GPLD1: variants seen among roughly 807,000 people sequenced by gnomAD.
GPLD1 encodes the protein glycosylphosphatidylinositol specific phospholipase D1, also known as phosphatidylinositol-glycan-specific phospholipase D.
Under a neutral mutation model 112.6 loss-of-function variants are expected in GPLD1, and 84 were observed. The observed-to-expected ratio is 0.75, with a 90% CI of 0.63 to 0.89. GPLD1 has a LOEUF of 0.89. Ranked by LOEUF, GPLD1 falls within the 40% of genes least tolerant of loss-of-function variation. The probability of loss-of-function intolerance (pLI) is 0.00; values close to 1 mark genes in which losing one functional copy is unlikely to be tolerated. For synonymous variants in GPLD1, 386 were observed against 403.8 expected (o/e 0.96, Z 0.53); for missense variants, 1,044 against 1,051.5 (o/e 0.99, Z 0.10).
In GPLD1 at chr6:24,440,276, G is replaced by A. The variant is rs535048513; in HGVS notation, c.2021-2987C>T. On this transcript the variant is annotated intron_variant, in intron 20 of 24. Coordinates refer to ENST00000230036, the MANE Select transcript of GPLD1 (RefSeq NM_001503.4). ...TCAAGACCAGCCTGGGAAATGCAGT[G>A]AGACCCCATCACTACAAAAAGTAGG... is the stretch of plus-strand genomic sequence containing the variant. Among the ~76,000 whole-genome samples the A allele has an allele frequency of 9.2e-5, 14 of 152,164 alleles. No individual in the cohort carries two copies. In the South Asian group the frequency reaches 2.9e-3, roughly 32 times the overall value.
chr6:24,460,964 A>G lies in GPLD1; in HGVS notation c.888-565T>C, dbSNP rs543687292. Among the ~76,000 whole-genome samples the G allele has an allele frequency of 2.0e-5, 3 of 152,248 alleles. No individual in the cohort carries two copies. In the South Asian group the frequency reaches 6.2e-4, roughly 32 times the overall value. On this transcript the variant is annotated intron_variant, in intron 11 of 24. Coordinates refer to ENST00000230036, the MANE Select transcript of GPLD1 (RefSeq NM_001503.4). The stretch of plus-strand genomic sequence containing the variant: ...CACTATGTTGGCCAGGCTGGGCTCG[A>G]ACTCCTGAGCTCAGGTGATCCACCT...
intron 14 of GPLD1, among the ~76,000 whole-genome samples, chr6:24,450,455 C>A (rs533670950): frequency 6.6e-6 from 1 of 152,034 alleles, no homozygotes; most frequent in South Asian, 2.1e-4. Flanking sequence ...AAGCCAAGAT[C>A]GTGCCACTGC....
At position 24,432,366 on chromosome 6, in the gene GPLD1, G is replaced by A. The variant is rs188598330; in HGVS notation, c.2436+821C>T. On this transcript the variant is annotated intron_variant, in intron 24 of 24. Coordinates refer to ENST00000230036, the MANE Select transcript of GPLD1 (RefSeq NM_001503.4). ...TAATCCCAGCACTTTGGAAGGCAGA[G>A]GCAGGCAGATCATTTGAGGCCAGGA... is the stretch of plus-strand genomic sequence containing the variant. Among the ~76,000 whole-genome samples the A allele has an allele frequency of 1.4e-4, 22 of 152,198 alleles. No homozygotes were observed. In the East Asian group the frequency reaches 3.5e-3, roughly 24 times the overall value.
chr6:24,435,958 A>G (rs1459383422), intron 22 of GPLD1: 1 of 149,510 alleles, frequency 6.7e-6, no homozygotes, highest in Non-Finnish European at 1.5e-5. Flanking sequence ...GGACGTTTTA[A>G]TGAAACTCCA....
rs755535946 is a variant in GPLD1 at position 24,437,134 on chromosome 6, C to T, written c.2176G>A (p.Asp726Asn). ...TTACCTAAGCCATCATCATCCAGGT[C>T]ACTCAAGTGCAGAACGCCACCAAAT... ...SRFGGVLHLS[D>N]LDDDGLDEII... is the part of the protein sequence containing the mutation. The change falls in exon 21 of 25, where the codon GAC becomes AAC. Residue 726 changes from aspartate (D) to asparagine (N), a missense_variant. Coordinates refer to ENST00000230036, the MANE Select transcript of GPLD1 (RefSeq NM_001503.4). 8.7e-6 allele frequency: 14 copies of T among 1,614,040 alleles called. No individual in the cohort carries two copies. The Middle Eastern group carries it at 8.2e-4, about 95-fold the overall frequency.
intron 7 of GPLD1, among the ~76,000 whole-genome samples, chr6:24,472,342 A>G (rs1380340078): frequency 6.6e-6 from 1 of 152,246 alleles, no homozygotes; most frequent in Non-Finnish European, 1.5e-5. Context: ...TAATGGGAGC[A>G]TAAGTTAAGA....
intron 3 of GPLD1, among the ~76,000 whole-genome samples, chr6:24,479,445 C>T (rs113421810): frequency 6.6e-6 from 1 of 152,152 alleles, no homozygotes; most frequent in African/African-American, 2.4e-5. Context: ...AAATACTGTG[C>T]ATTAATGCCA....
At chr6:24,474,829 A>C (rs1015369444) in intron 5 of GPLD1, among the ~76,000 whole-genome samples, 4 of 152,008 alleles carry the variant, frequency 2.6e-5, no homozygotes, top group Admixed American at 2.6e-4. Flanking sequence ...AATCCCAGCT[A>C]CTCAGGAGGC....
intron 8 of GPLD1, 32 bp downstream of exon 8, chr6:24,467,135 C>G: frequency 7.8e-7 from 1 of 1,287,218 alleles, no homozygotes; most frequent in African/African-American, 1.5e-5. Context: ...ACAACAAAAT[C>G]AGCTGCAAAT....
chr6:24,466,919 A>G lies in GPLD1; in HGVS notation c.674T>C (p.Val225Ala). 1 of 1,611,472 alleles carries G rather than the reference A, an allele frequency of 6.2e-7. No individual in the cohort carries two copies. The highest frequency in any genetic ancestry group is 8.5e-7 in the Non-Finnish European group (1 of 1,177,562). ...GAAGAATGACGCCTTTACCTTGGAAACAGCTAGCATCTCACCATACCTGCA... is the reference window on the plus strand; with the variant it reads ...GAAGAATGACGCCTTTACCTTGGAAGCAGCTAGCATCTCACCATACCTGCA... ...FLEMYGEMLA[V>A]SKLYPTYSTK... is the part of the protein sequence containing the mutation. Residue 225 changes from valine (V) to alanine (A), a missense_variant, in exon 9 of 25, where the codon GTT (valine) becomes GCT (alanine). By Grantham distance (64) the Val-to-Ala change is moderately conservative. Coordinates refer to ENST00000230036, the MANE Select transcript of GPLD1 (RefSeq NM_001503.4).
rs779602416 is a variant in GPLD1, at chr6:24,475,134, C to G, written c.428G>C (p.Arg143Thr). The change falls in exon 5 of 25, where the codon AGG becomes ACG. Residue 143 changes from arginine to threonine, a missense_variant. Coordinates refer to ENST00000230036, the MANE Select transcript of GPLD1 (RefSeq NM_001503.4). The stretch of plus-strand genomic sequence containing the variant: ...GGATGTACTCACAGCTCCCATGGTC[C>G]TAAGGAATCCTTGTTCAAGGCCCAG... ...HSLGLEQGFL[R>T]TMGAIDFHGS... is the part of the protein sequence containing the mutation. 7 of 1,581,062 alleles carry G rather than the reference C, an allele frequency of 4.4e-6. No individual in the cohort carries two copies. The highest frequency in any genetic ancestry group is 6.1e-6 in the Non-Finnish European group (7 of 1,149,916).
chr6:24,458,877 CA>C (rs71757341), intron 12 of GPLD1, among the ~76,000 whole-genome samples: 258 of 143,010 alleles, frequency 1.8e-3, no homozygotes, highest in African/African-American at 4.6e-3. Context: ...GACTCTGTCT[CA>C]AAAAAAAAAA....
intron 10 of GPLD1, among the ~76,000 whole-genome samples, chr6:24,463,784 C>T (rs945174006): frequency 6.6e-6 from 1 of 152,084 alleles, no homozygotes; most frequent in Non-Finnish European, 1.5e-5. Context: ...TTATGTTTTC[C>T]TTTCTGTTAT....
intron 20 of GPLD1, among the ~76,000 whole-genome samples, chr6:24,441,655 T>C: frequency 6.6e-6 from 1 of 152,242 alleles, no homozygotes; most frequent in East Asian, 1.9e-4. Context: ...CTTGAAAAGC[T>C]GTACAGTGCC....
chr6:24,467,871 C>G (rs1763668723), intron 7 of GPLD1, among the ~76,000 whole-genome samples: 1 of 151,718 alleles, frequency 6.6e-6, no homozygotes, highest in Non-Finnish European at 1.5e-5. Flanking sequence ...CAATCTATTT[C>G]TGTGTGGTTT....
intron 20 of GPLD1, among the ~76,000 whole-genome samples, chr6:24,444,487 G>T: frequency 6.6e-6 from 1 of 151,070 alleles, no homozygotes; most frequent in African/African-American, 2.4e-5. Context: ...GGGAGGAAAT[G>T]GTTCTTATTT....
intron 22 of GPLD1, among the ~76,000 whole-genome samples, chr6:24,435,527 T>C (rs967649607): frequency 2.6e-5 from 4 of 152,084 alleles, no homozygotes; most frequent in Non-Finnish European, 5.9e-5. Context: ...CATAATAAAC[T>C]TTCACTAATT....
In GPLD1 at chr6:24,460,542, A is replaced by G. The variant is rs1449718088; in HGVS notation, c.888-143T>C. The stretch of plus-strand genomic sequence containing the variant: ...CAGAAGGCTGAAGGAGCAACACAGA[A>G]AGTTTTAGAAAACCTTCATTTCACA... On this transcript the variant is annotated intron_variant, in intron 11 of 24. Transcript: ENST00000230036. 9 of 787,168 alleles carry G rather than the reference A, an allele frequency of 1.1e-5. No homozygotes were observed. The East Asian group carries it at 2.2e-4, about 20-fold the overall frequency. The allele number at this position is 787,168 out of a possible 1,614,324, so 48.8% of individuals were successfully genotyped here.
At chr6:24,442,325 T>C (rs1762772435) in intron 20 of GPLD1, among the ~76,000 whole-genome samples, 1 of 151,512 alleles carries the variant, frequency 6.6e-6, no homozygotes, top group Admixed American at 6.6e-5. Flanking sequence ...CTCCCTATAT[T>C]GTCCAGGCTG....
Sources: gnomAD v4.1 joint callset for allele counts (sites outside exome capture counted in the v4.1 genomes callset) on GRCh38, gnomAD v4.1.1 for gene constraint, MANE v1.5 for transcripts, NCBI Gene and HGNC (gene_info 2026-07-23, HGNC 2026-07-21) for gene names.